The following RBFOX1 variants were observed in gnomAD, a reference collection of about 807,000 sequenced individuals.
RBFOX1 encodes the protein RNA binding fox-1 homolog 1.
In RBFOX1, 8 loss-of-function variants were observed where a neutral mutation model predicts 57.7. That is an observed-to-expected ratio of 0.14 (90% CI 0.08 to 0.25). The LOEUF (loss-of-function observed/expected upper bound fraction) is 0.25. Among genes scored for constraint, RBFOX1 ranks in the 10% least tolerant of loss-of-function variants. The probability of loss-of-function intolerance (pLI) is 1.00; values close to 1 mark genes in which losing one functional copy is unlikely to be tolerated. For synonymous variants in RBFOX1, 326 were observed against 222.4 expected, an observed-to-expected ratio of 1.47 and a Z score of -4.15; for missense variants, 611 against 548.5, an observed-to-expected ratio of 1.11 and a Z score of -1.14.
At chr16:7,465,269 A>G (rs2060302060) in intron 4 of RBFOX1, among the ~76,000 whole-genome samples, 1 of 152,212 alleles carries the variant, frequency 6.6e-6, no homozygotes, top group Admixed American at 6.5e-5. Flanking sequence ...CAATTGAAGT[A>G]CACACTCATT....
At chr16:7,532,294 G>C (rs1197955574) in intron 5 of RBFOX1, among the ~76,000 whole-genome samples, 4 of 152,042 alleles carry the variant, frequency 2.6e-5, no homozygotes, top group Non-Finnish European at 5.9e-5. Flanking sequence ...ACATTCATCT[G>C]GTGGCTCCAC....
At chr16:5,808,019 C>G (rs2055289591) in intron 3 of RBFOX1, among the ~76,000 whole-genome samples, 1 of 152,184 alleles carries the variant, frequency 6.6e-6, no homozygotes, top group Non-Finnish European at 1.5e-5. Flanking sequence ...CAGGCTTACT[C>G]CTTCTATGCC....
chr16:7,224,772 G>A (rs1011215094), intron 4 of RBFOX1, among the ~76,000 whole-genome samples: 40 of 152,170 alleles, frequency 2.6e-4, no homozygotes, highest in African/African-American at 8.4e-4. Context: ...CAAAGTCCTC[G>A]TTATTCAAAG....
At chr16:7,089,650 T>G (rs1011386905) in intron 4 of RBFOX1, among the ~76,000 whole-genome samples, 1 of 152,148 alleles carries the variant, frequency 6.6e-6, no homozygotes, top group Non-Finnish European at 1.5e-5. Context: ...TATGTACATA[T>G]TTGCAACTCA....
At chr16:6,917,679 G>A (rs1368336130) in intron 3 of RBFOX1, among the ~76,000 whole-genome samples, 2 of 152,206 alleles carry the variant, frequency 1.3e-5, no homozygotes, top group Non-Finnish European at 2.9e-5. Context: ...AGGAGGGTCT[G>A]TGTGCTGTGT....
At chr16:7,242,414 G>C (rs914689834) in intron 4 of RBFOX1, among the ~76,000 whole-genome samples, 1 of 152,166 alleles carries the variant, frequency 6.6e-6, no homozygotes, top group African/African-American at 2.4e-5. Context: ...AGATCTCTCT[G>C]AGCTTTAGTT....
intron 3 of RBFOX1, among the ~76,000 whole-genome samples, chr16:6,889,184 G>C (rs1224863751): frequency 6.6e-6 from 1 of 152,118 alleles, no homozygotes; most frequent in African/African-American, 2.4e-5. Context: ...TGAAAATACT[G>C]AGTTCATTGT....
At chr16:5,518,732 A>G (rs771316480) in intron 2 of RBFOX1, among the ~76,000 whole-genome samples, 2 of 152,174 alleles carry the variant, frequency 1.3e-5, no homozygotes, top group Admixed American at 6.5e-5. Flanking sequence ...TCAACTGTGA[A>G]GCGAAGGTCC....
intron 1 of RBFOX1, among the ~76,000 whole-genome samples, chr16:5,314,197 G>A (rs1205308721): frequency 6.6e-6 from 1 of 152,230 alleles, no homozygotes; most frequent in East Asian, 1.9e-4. Flanking sequence ...CATGCAGTGG[G>A]TATTGGATGG....
chr16:7,007,216 G>A (rs937136357), intron 3 of RBFOX1, among the ~76,000 whole-genome samples: 6 of 152,194 alleles, frequency 3.9e-5, no homozygotes, highest in African/African-American at 9.7e-5. Context: ...TTACTGGCTG[G>A]TAGCAGAAGG....
At chr16:5,309,326 T>C (rs1046562702) in intron 1 of RBFOX1, among the ~76,000 whole-genome samples, 5 of 152,172 alleles carry the variant, frequency 3.3e-5, no homozygotes, top group Non-Finnish European at 7.4e-5. Flanking sequence ...CTTAGAGATA[T>C]CTAGTCATTG....
At chr16:6,398,241 A>G (rs748652859) in intron 2 of RBFOX1, among the ~76,000 whole-genome samples, 1 of 152,118 alleles carries the variant, frequency 6.6e-6, no homozygotes, top group African/African-American at 2.4e-5. Flanking sequence ...CTCCCATAAC[A>G]TATGCGGATT....
chr16:7,416,636 G>A (rs2098480630), intron 4 of RBFOX1, among the ~76,000 whole-genome samples: 1 of 152,142 alleles, frequency 6.6e-6, no homozygotes, highest in Non-Finnish European at 1.5e-5. Flanking sequence ...ACGATTCCCA[G>A]TCATTGAAAA....
At chr16:6,816,463 C>T (rs367554001) in intron 3 of RBFOX1, among the ~76,000 whole-genome samples, 188 of 149,216 alleles carry the variant, frequency 1.3e-3, no homozygotes, top group African/African-American at 4.3e-3. Context: ...TCTTGTTGGC[C>T]GGGTGTGGTG....
chr16:7,404,512 C>T (rs916149274), intron 4 of RBFOX1, among the ~76,000 whole-genome samples: 4 of 152,128 alleles, frequency 2.6e-5, no homozygotes, highest in East Asian at 1.9e-4. Context: ...GCATAAATGA[C>T]CTCCATAGAT....
At chr16:6,852,992 A>G (rs1292349718) in intron 3 of RBFOX1, among the ~76,000 whole-genome samples, 1 of 152,160 alleles carries the variant, frequency 6.6e-6, no homozygotes, top group Non-Finnish European at 1.5e-5. Flanking sequence ...CACCCTATGG[A>G]TGGACAATCT....
At chr16:7,628,942 A>C (rs1427093304) in intron 10 of RBFOX1, among the ~76,000 whole-genome samples, 3 of 152,182 alleles carry the variant, frequency 2.0e-5, no homozygotes, top group Non-Finnish European at 4.4e-5. Context: ...AAGAAGAAAG[A>C]ACTATTAGTT....
Position 5,907,403 on chromosome 16 carries a change from ATGC to A in RBFOX1, c.351+40073_351+40075del, listed in dbSNP as rs377433504. On this transcript the variant is annotated intron_variant, in intron 4 of 19. Transcript: ENST00000641259. ...CATCCAAAACCATTCTCCCAGAGTC[ATGC>A]TGCTTTTTTTCAGAGCACGTTGCAC... Among the ~76,000 whole-genome samples the A allele has an allele frequency of 5.1e-3, 770 of 152,198 alleles. 8 individuals are homozygous for A. The highest frequency in any genetic ancestry group is 0.017 in the African/African-American group (707 of 41,524).
chr16:5,817,436 G>A (rs905671254), intron 3 of RBFOX1, among the ~76,000 whole-genome samples: 1 of 152,180 alleles, frequency 6.6e-6, no homozygotes, highest in Non-Finnish European at 1.5e-5. Flanking sequence ...CACAGTGTAG[G>A]TAATAAATAA....
Sources: allele counts gnomAD v4.1 joint callset (sites outside exome capture counted in the v4.1 genomes callset), GRCh38; gene constraint gnomAD v4.1.1; transcripts MANE v1.5; gene names NCBI Gene and HGNC (gene_info 2026-07-23, HGNC 2026-07-21).